The following SLC17A7 variants were observed in gnomAD, a reference collection of about 807,000 sequenced individuals.
SLC17A7 encodes vesicular glutamate transporter 1.
In SLC17A7, 15 loss-of-function variants were observed where a neutral mutation model predicts 59.1. The observed-to-expected ratio is 0.25, with a 90% CI of 0.17 to 0.39. SLC17A7 has a LOEUF of 0.39. Among genes scored for constraint, SLC17A7 ranks in the 10% least tolerant of loss-of-function variants. The pLI is 1.00. For missense variants in SLC17A7, 499 were observed against 765.1 expected, an observed-to-expected ratio of 0.65 and a Z score of 4.10; for synonymous variants, 353 against 308.9, an observed-to-expected ratio of 1.14 and a Z score of -1.50.
chr19:49,438,106 G>C (rs994228637), intron 1 of SLC17A7: 7 of 150,546 alleles, frequency 4.6e-5, no homozygotes, highest in African/African-American at 1.7e-4. Flanking sequence ...GGAGGGGTCA[G>C]AGACACAGAG....
rs1443774705 is a variant in SLC17A7, at chr19:49,431,260, A to C, written c.1261+78T>G. On this transcript the variant is annotated intron_variant, in intron 10 of 11. Transcript: ENST00000221485. This position sits in a 1 kb window ranked among gnomAD's most constrained non-coding sequence, Gnocchi z 4.6. Reference sequence around the variant, plus strand: ...TCATGTTCCACCTTTTGTGAGGCTGAGAGGCCCCGTTCCTGAGCCAGGAAG... The same window carrying C: ...TCATGTTCCACCTTTTGTGAGGCTGCGAGGCCCCGTTCCTGAGCCAGGAAG... 7.6e-6 allele frequency: 12 copies of C among 1,585,024 alleles called. No individual in the cohort carries two copies. The highest frequency in any genetic ancestry group is 1.3e-5 in the African/African-American group (1 of 74,362).
chr19:49,435,216 A>G lies in SLC17A7; in HGVS notation c.386T>C (p.Val129Ala), dbSNP rs2078975645. 2 of 1,614,058 alleles carry G rather than the reference A, an allele frequency of 1.2e-6. No individual in the cohort carries two copies. The highest frequency in any genetic ancestry group is 2.2e-5 in the South Asian group (2 of 91,090). The part of the protein sequence containing the change: ...IHGSFFWGYI[V>A]TQIPGGFICQ... ...GATAAATCCTCCTGGAATCTGAGTG[A>G]CAATGTAGCCCCAGAAAAAGGAGCC... The change falls in exon 3 of 12, where the codon GTC becomes GCC. Residue 129 changes from valine to alanine, a missense_variant. Transcript: ENST00000221485.
intron 5 of SLC17A7, 86 bp from the exon 6 acceptor site, chr19:49,434,132 A>T: frequency 1.2e-6 from 1 of 859,576 alleles, no homozygotes; most frequent in African/African-American, 1.7e-5. Flanking sequence ...CCCTTTCCAG[A>T]CACTGAATTA....
At chr19:49,432,682 G>A (rs2078965347) in intron 8 of SLC17A7, 31 bp from the exon 9 acceptor site, 1 of 1,606,286 alleles carries the variant, frequency 6.2e-7, no homozygotes, top group East Asian at 2.2e-5. Context: ...GGACACTAGG[G>A]TTCGGGGCCG....
chr19:49,434,358 C>A (rs1337712459), intron 5 of SLC17A7, among the ~76,000 whole-genome samples: 1 of 147,544 alleles, frequency 6.8e-6, no homozygotes. Flanking sequence ...CCCAGGAGTG[C>A]GGGCCTCCAG....
intron 2 of SLC17A7, chr19:49,435,963 G>A (rs1056010965): frequency 6.4e-6 from 1 of 155,374 alleles, no homozygotes; most frequent in African/African-American, 2.4e-5. Flanking sequence ...CTGCTCAGAA[G>A]GCTGAGGCAG....
At chr19:49,440,483 C>G (rs180703006) in intron 1 of SLC17A7, among the ~76,000 whole-genome samples, 75 of 152,288 alleles carry the variant, frequency 4.9e-4, no homozygotes, top group Admixed American at 1.7e-3. Context: ...CTGGGGTCAT[C>G]AACCTGGTTG....
intron 1 of SLC17A7, among the ~76,000 whole-genome samples, chr19:49,439,600 G>T (rs969505471): frequency 1.3e-5 from 2 of 152,186 alleles, no homozygotes; most frequent in African/African-American, 4.8e-5. Context: ...CCCCAGAATG[G>T]AGCCTCAGTT....
chr19:49,437,366 G>A (rs532812597), intron 1 of SLC17A7: 41 of 158,288 alleles, frequency 2.6e-4, no homozygotes, highest in Non-Finnish European at 4.8e-4. Context: ...GGGGAGTGGC[G>A]GGTGGTGTCC....
In SLC17A7 at chr19:49,436,130, G is replaced by T. The variant is rs1378200284; in HGVS notation, c.315+419C>A. ...CACATGCAGTGGGACGTAGGCAGTG[G>T]CAGGGTTTCAAAAAAGGATCACATT... On this transcript the variant is annotated intron_variant, in intron 2 of 11. Coordinates refer to ENST00000221485, the MANE Select transcript of SLC17A7 (RefSeq NM_020309.4). This position sits in a 1 kb window ranked among gnomAD's most constrained non-coding sequence, Gnocchi z 4.1. 12 of 204,058 alleles carry T rather than the reference G, an allele frequency of 5.9e-5. No individual in the cohort carries two copies. The South Asian group carries it at 7.3e-4, about 12-fold the overall frequency. 12.6% of individuals were successfully genotyped at this position (204,058 alleles called of 1,614,324 possible). A position where few individuals can be genotyped will look rare whatever the true frequency, so the allele number is the denominator to read the frequency against.
intron 4 of SLC17A7, 23 bp from the exon 5 acceptor site, chr19:49,434,712 C>A: frequency 6.2e-7 from 1 of 1,614,160 alleles, no homozygotes; most frequent in South Asian, 1.1e-5. Context: ...AAACCAAGGT[C>A]ACTGAGAAGA....
At chr19:49,434,970 T>A in intron 3 of SLC17A7, 88 bp from the exon 4 acceptor site, 1 of 1,331,934 alleles carries the variant, frequency 7.5e-7, no homozygotes, top group Non-Finnish European at 1.1e-6. Flanking sequence ...CTAGGCCCAG[T>A]GGTCCCCGGG....
chr19:49,441,217 G>C, intron 1 of SLC17A7, 101 bp downstream of exon 1: 11 of 1,530,540 alleles, frequency 7.2e-6, no homozygotes. Context: ...GGACCCCCAT[G>C]CCGGGGTATC....
rs1301729570 is a variant in SLC17A7, at chr19:49,430,355, G to A, written c.*164C>T. The A allele has an allele frequency of 5.4e-6, 3 of 557,846 alleles. No homozygotes were observed. Among genetic ancestry groups the A allele is most frequent in the Admixed American group, 7.1e-5 (2 of 28,304 alleles). The allele number at this position is 557,846 out of a possible 1,614,324, so 34.6% of individuals were successfully genotyped here. On this transcript the variant is annotated 3_prime_UTR_variant, in exon 12 of 12. Transcript: ENST00000221485. Reference sequence around the variant, plus strand: ...TCTGCAGCTTCACTACCCCTGAGAGGCAATTGGGAAGGAAAGAGGATTTGA... The same window carrying A: ...TCTGCAGCTTCACTACCCCTGAGAGACAATTGGGAAGGAAAGAGGATTTGA...
rs2078999987 is a variant in SLC17A7, at chr19:49,441,490, G to A, written c.-111C>T. The A allele has an allele frequency of 4.6e-6, 5 of 1,085,226 alleles. No individual in the cohort carries two copies. Among genetic ancestry groups the A allele is most frequent in the Admixed American group, 5.3e-5 (1 of 19,002 alleles). 67.2% of individuals were successfully genotyped at this position (1,085,226 alleles called of 1,614,324 possible). On this transcript the variant is annotated 5_prime_UTR_variant, in exon 1 of 12. Coordinates refer to ENST00000221485, the MANE Select transcript of SLC17A7 (RefSeq NM_020309.4). ...CCGGGGTCCAGCCCCGGCCCGGCCG[G>A]CCCCGCAGCTCCGCTCGGGGGGAAG...
In SLC17A7 at chr19:49,433,748, G is replaced by A. The variant is rs1360805794; in HGVS notation, c.845C>T (p.Ala282Val). The A allele has an allele frequency of 1.2e-6, 2 of 1,614,052 alleles. No homozygotes were observed. Among genetic ancestry groups the A allele is most frequent in the Admixed American group, 3.3e-5 (2 of 60,000 alleles). The change falls in exon 7 of 12, where the codon GCG becomes GTG. Residue 282 changes from alanine (A) to valine (V), a missense_variant. Transcript: ENST00000221485. This position sits in a 1 kb window ranked among gnomAD's most constrained non-coding sequence, Gnocchi z 5.7. ...GACCGTGAGGGGGTTCATGAGTTTC[G>A]CGCTCTCTCCGATGGCGTCCTCGAT... ...KYIEDAIGES[A>V]KLMNPLTKFS... is the part of the protein sequence containing the mutation.
chr19:49,430,715 G>A lies in SLC17A7; in HGVS notation c.1487C>T (p.Pro496Leu), dbSNP rs769088221. 6.2e-7 allele frequency: 1 copy of A among 1,614,102 alleles called. No individual in the cohort carries two copies. Among genetic ancestry groups the A allele is most frequent in the Non-Finnish European group, 8.5e-7 (1 of 1,180,006 alleles). The change falls in exon 12 of 12, where the codon CCG (proline) becomes CTG (leucine). Residue 496 changes from proline (P) to leucine (L), a missense_variant. Transcript: ENST00000221485. ...YGVFASGEKQ[P>L]WAEPEEMSEE... ...GCTCATCTCCTCAGGCTCTGCCCAC[G>A]GCTGCTTCTCTCCAGAAGCAAAGAC... is the stretch of plus-strand genomic sequence containing the variant.
In SLC17A7 at chr19:49,433,101, G is replaced by T; in HGVS notation, c.868-141C>A. 1.1e-6 allele frequency: 1 copy of T among 873,990 alleles called. No individual in the cohort carries two copies. The highest frequency in any genetic ancestry group is 2.6e-5 in the Admixed American group (1 of 37,980). 54.1% of individuals were successfully genotyped at this position (873,990 alleles called of 1,614,324 possible). ...AACTTCTATGGACCCAAAGGCGCGGGCTACACCATGTTGCCGTGGGGACCC... is the reference window on the plus strand; with the variant it reads ...AACTTCTATGGACCCAAAGGCGCGGTCTACACCATGTTGCCGTGGGGACCC... On this transcript the variant is annotated intron_variant, in intron 7 of 11. Coordinates refer to ENST00000221485, the MANE Select transcript of SLC17A7 (RefSeq NM_020309.4). The surrounding 1 kb of genome is among the most constrained non-coding windows in gnomAD (Gnocchi z 5.7).
At chr19:49,434,906 G>T (rs2122299166) in intron 3 of SLC17A7, 24 bp from the exon 4 acceptor site, 1 of 1,598,520 alleles carries the variant, frequency 6.3e-7, no homozygotes, top group Non-Finnish European at 8.6e-7. Flanking sequence ...TCAGAGAAAA[G>T]AATCCAAGCT....
Sources: gnomAD v4.1 joint callset for allele counts (sites outside exome capture counted in the v4.1 genomes callset) on GRCh38, gnomAD v4.1.1 for gene constraint, Gnocchi (gnomAD v3.1) non-coding constraint, MANE v1.5 for transcripts, NCBI Gene and HGNC (gene_info 2026-07-23, HGNC 2026-07-21) for gene names.